PBX3: variants seen among roughly 807,000 people sequenced by gnomAD.
PBX3 encodes the protein PBX homeobox 3, also known as pre-B-cell leukemia transcription factor 3.
A neutral mutation model predicts 48.5 loss-of-function variants in PBX3; 14 were observed. The ratio of observed to expected loss-of-function variants is 0.29; its 90% CI spans 0.19 to 0.45. The LOEUF is 0.45. PBX3 is among the 20% of genes least tolerant of loss of function. The pLI, the probability that PBX3 is intolerant of heterozygous loss-of-function variation, is 1.00. For synonymous variants in PBX3, 210 were observed against 200.3 expected (o/e 1.05, Z -0.41); for missense variants, 386 against 546.7 (o/e 0.71, Z 2.93).
At chr9:125,802,393 G>C (rs1837984299) in intron 2 of PBX3, among the ~76,000 whole-genome samples, 1 of 119,744 alleles carries the variant, frequency 8.4e-6, no homozygotes, top group Non-Finnish European at 1.7e-5. Flanking sequence ...TTAAAGACAG[G>C]GTCTCATTCC....
chr9:125,936,790 G>A (rs987483261), intron 5 of PBX3, among the ~76,000 whole-genome samples: 3 of 152,118 alleles, frequency 2.0e-5, no homozygotes, highest in African/African-American at 7.2e-5. Context: ...AGTTAGAAAT[G>A]GAATATAATT....
At chr9:125,853,751 T>C (rs1588221389) in intron 2 of PBX3, among the ~76,000 whole-genome samples, 1 of 152,378 alleles carries the variant, frequency 6.6e-6, no homozygotes, top group Middle Eastern at 3.4e-3. Context: ...GTGTACCTGC[T>C]GTTTTTCAGA....
At chr9:125,940,132 C>T (rs111943131) in intron 5 of PBX3, among the ~76,000 whole-genome samples, 234 of 151,204 alleles carry the variant, frequency 1.5e-3, no homozygotes, top group African/African-American at 5.2e-3. Flanking sequence ...TGGGGTGAGC[C>T]AAGATCGTGC....
chr9:125,874,550 A>T (rs1183167847), intron 2 of PBX3, among the ~76,000 whole-genome samples: 1 of 152,174 alleles, frequency 6.6e-6, no homozygotes. Flanking sequence ...GAAGACTTGA[A>T]CAATACTATC....
At chr9:125,942,929 G>A (rs1475565232) in intron 5 of PBX3, among the ~76,000 whole-genome samples, 1 of 152,164 alleles carries the variant, frequency 6.6e-6, no homozygotes, top group Non-Finnish European at 1.5e-5. Flanking sequence ...TGTTGCTGTT[G>A]TTCTCTACAA....
chr9:125,813,978 A>G (rs953845775), intron 2 of PBX3, among the ~76,000 whole-genome samples: 4 of 148,018 alleles, frequency 2.7e-5, no homozygotes, highest in Non-Finnish European at 5.9e-5. Flanking sequence ...CAGCCTGGCC[A>G]ACATGGTGAA....
chr9:125,920,117 T>C (rs1841425542), intron 3 of PBX3, among the ~76,000 whole-genome samples: 1 of 152,180 alleles, frequency 6.6e-6, no homozygotes, highest in Admixed American at 6.5e-5. Flanking sequence ...ACAAAACTAT[T>C]TTATTTTCTT....
chr9:125,762,474 G>A (rs185357966), intron 2 of PBX3, among the ~76,000 whole-genome samples: 38 of 152,192 alleles, frequency 2.5e-4, no homozygotes, highest in African/African-American at 9.1e-4. Flanking sequence ...TTTTCTGGGA[G>A]GGTATTTATG....
At chr9:125,911,106 T>G (rs1841194069) in intron 2 of PBX3, among the ~76,000 whole-genome samples, 1 of 152,116 alleles carries the variant, frequency 6.6e-6, no homozygotes, top group Non-Finnish European at 1.5e-5. Flanking sequence ...TGAGGGTTTT[T>G]CAGTGTCTTT....
intron 2 of PBX3, among the ~76,000 whole-genome samples, chr9:125,798,472 T>C (rs1837846961): frequency 6.6e-6 from 1 of 151,006 alleles, no homozygotes; most frequent in African/African-American, 2.4e-5. Flanking sequence ...TTTTCTTCTC[T>C]TCCTCTTATC....
intron 2 of PBX3, among the ~76,000 whole-genome samples, chr9:125,870,425 T>C (rs1482507416): frequency 6.6e-6 from 1 of 152,084 alleles, no homozygotes. Context: ...AAACACCCCC[T>C]TATAAAACCA....
chr9:125,927,512 G>A (rs1375754820), intron 3 of PBX3, among the ~76,000 whole-genome samples: 1 of 152,198 alleles, frequency 6.6e-6, no homozygotes, highest in African/African-American at 2.4e-5. Context: ...TATCTCTAGG[G>A]AAGTGGACAT....
At chr9:125,809,221 C>T (rs1368278021) in intron 2 of PBX3, among the ~76,000 whole-genome samples, 1 of 151,990 alleles carries the variant, frequency 6.6e-6, no homozygotes, top group Non-Finnish European at 1.5e-5. Context: ...TTCACTGTTC[C>T]TTGCATATGC....
chr9:125,925,950 C>A (rs1841565446), intron 3 of PBX3, among the ~76,000 whole-genome samples: 1 of 152,190 alleles, frequency 6.6e-6, no homozygotes, highest in Admixed American at 6.5e-5. Context: ...TTTGGTTAAC[C>A]CAGCAATTCC....
At chr9:125,960,453 G>A (rs1455810659) in intron 5 of PBX3, among the ~76,000 whole-genome samples, 1 of 152,148 alleles carries the variant, frequency 6.6e-6, no homozygotes, top group Non-Finnish European at 1.5e-5. Flanking sequence ...TGCCGTTTTG[G>A]TATTACTGTG....
intron 3 of PBX3, among the ~76,000 whole-genome samples, chr9:125,928,913 C>G (rs1472117022): frequency 6.7e-6 from 1 of 149,450 alleles, no homozygotes; most frequent in Non-Finnish European, 1.5e-5. Flanking sequence ...CATTGGAATG[C>G]TTGGCACGCA....
Position 125,841,127 on chromosome 9 carries a change from C to T in PBX3, c.275-74559C>T, listed in dbSNP as rs545476882. Among the ~76,000 whole-genome samples, 5 of 152,196 alleles carry T rather than the reference C, an allele frequency of 3.3e-5. No homozygotes were observed. The South Asian group carries it at 1.0e-3, about 32-fold the overall frequency. ...GGTTTGTTTGATTATTCCTATTTTT[C>T]ACATGAAGAAATTAAGGCCCAGAGA... On this transcript the variant is annotated intron_variant, in intron 2 of 8. Coordinates refer to ENST00000373489, the MANE Select transcript of PBX3 (RefSeq NM_006195.6).
At chr9:125,796,477 G>T (rs982382185) in intron 2 of PBX3, among the ~76,000 whole-genome samples, 1 of 152,180 alleles carries the variant, frequency 6.6e-6, no homozygotes, top group Admixed American at 6.5e-5. Flanking sequence ...TTTCTGTGGG[G>T]CGGGCTGTTG....
At chr9:125,867,051 A>G (rs1448223961) in intron 2 of PBX3, among the ~76,000 whole-genome samples, 1 of 152,162 alleles carries the variant, frequency 6.6e-6, no homozygotes, top group Non-Finnish European at 1.5e-5. Context: ...ATCTGTTAGT[A>G]GGGATCTTCT....
Sources: gnomAD v4.1 joint callset for allele counts (sites outside exome capture counted in the v4.1 genomes callset) on GRCh38, gnomAD v4.1.1 for gene constraint, MANE v1.5 for transcripts, NCBI Gene and HGNC (gene_info 2026-07-23, HGNC 2026-07-21) for gene names.